Variants in MAB21L4 observed in about 807,000 individuals in gnomAD.
MAB21L4 encodes protein mab-21-like 4.
Under a neutral mutation model 32.4 loss-of-function variants are expected in MAB21L4, and 25 were observed. The ratio of observed to expected loss-of-function variants is 0.77; its 90% CI spans 0.56 to 1.08. The LOEUF is 1.08. Ranked by LOEUF, MAB21L4 falls within the 50% of genes least tolerant of loss-of-function variation. MAB21L4 has a pLI of 0.00. For missense variants in MAB21L4, 638 were observed against 611.0 expected, an observed-to-expected ratio of 1.04 and a Z score of -0.47; for synonymous variants, 280 against 276.8, an observed-to-expected ratio of 1.01 and a Z score of -0.11.
chr2:240,886,706 A>G lies in MAB21L4; in HGVS notation c.*364T>C. ...CCAGCACATTCATTTTTTCAAAACC[A>G]AATATACAGCATTTCGTCACCAAGG... is the stretch of plus-strand genomic sequence containing the variant. On this transcript the variant is annotated 3_prime_UTR_variant, in exon 5 of 5. Coordinates refer to ENST00000388934, the MANE Select transcript of MAB21L4 (RefSeq NM_001085437.3). 1 of 217,444 alleles carries G rather than the reference A, an allele frequency of 4.6e-6. No homozygotes were observed. The highest frequency in any genetic ancestry group is 9.0e-6 in the Non-Finnish European group (1 of 111,068). 13.5% of individuals were successfully genotyped at this position (217,444 alleles called of 1,614,324 possible).
chr2:240,886,542 C>G lies in MAB21L4; in HGVS notation c.*528G>C, dbSNP rs1208322351. On this transcript the variant is annotated 3_prime_UTR_variant, in exon 5 of 5. Coordinates refer to ENST00000388934, the MANE Select transcript of MAB21L4 (RefSeq NM_001085437.3). ...AAGAACGAGGTAGGAGGTGGGGATG[C>G]CTGGGGAAGGGGGTCATTCACAGAG... 1.3e-5 allele frequency: 2 copies of G among 152,642 alleles called. No individual in the cohort carries two copies. Among genetic ancestry groups the G allele is most frequent in the African/African-American group, 4.8e-5 (2 of 41,394 alleles). 9.5% of individuals were successfully genotyped at this position (152,642 alleles called of 1,614,324 possible).
intron 2 of MAB21L4, among the ~76,000 whole-genome samples, chr2:240,891,287 A>G (rs35733632): frequency 0.54 from 82,025 of 152,176 alleles, 23,275 homozygotes; most frequent in African/African-American, 0.73. Flanking sequence ...TAGGGCAGCC[A>G]TCCACAATTC....
rs2106435743 is a variant in MAB21L4, at chr2:240,886,851, A to G, written c.*219T>C. On this transcript the variant is annotated 3_prime_UTR_variant, in exon 5 of 5. Transcript: ENST00000388934. ...ACCACATGGAGAGCTTGGCACCTGCATCCAGGCCCTGACCCAGGGAGGAGG... is the reference window on the plus strand; with the variant it reads ...ACCACATGGAGAGCTTGGCACCTGCGTCCAGGCCCTGACCCAGGGAGGAGG... 1 of 538,212 alleles carries G rather than the reference A, an allele frequency of 1.9e-6. No homozygotes were observed. The allele number at this position is 538,212 out of a possible 1,614,324, so 33.3% of individuals were successfully genotyped here. A position where few individuals can be genotyped will look rare whatever the true frequency, so the allele number is the denominator to read the frequency against.
intron 1 of MAB21L4, among the ~76,000 whole-genome samples, chr2:240,892,252 A>G (rs771579586): frequency 1.3e-5 from 2 of 152,148 alleles, no homozygotes; most frequent in Non-Finnish European, 2.9e-5. Flanking sequence ...AGGCAGCAGC[A>G]GTCCAGGCTG....
chr2:240,893,768 T>G (rs2059169570), intron 1 of MAB21L4, among the ~76,000 whole-genome samples: 1 of 84,544 alleles, frequency 1.2e-5, no homozygotes, highest in South Asian at 3.4e-4. Flanking sequence ...GCCTGGCGGC[T>G]TAGAGCAAAT....
Position 240,888,279 on chromosome 2 carries a change from A to G in MAB21L4, c.1251+13T>C, listed in dbSNP as rs4675869. ...CCCCGGGCCTGCCCAAGGCCCCCGC[A>G]GCCAGCACCCACCTTGTCCAGCAGG... On this transcript the variant is annotated intron_variant, in intron 4 of 4. Coordinates refer to ENST00000388934, the MANE Select transcript of MAB21L4 (RefSeq NM_001085437.3). 0.7 allele frequency: 1,069,218 copies of G among 1,525,200 alleles called. 378,172 individuals are homozygous for G. The highest frequency in any genetic ancestry group is 0.86 in the African/African-American group (60,494 of 70,594). The allele number at this position is 1,525,200 out of a possible 1,614,324, so 94.5% of individuals were successfully genotyped here. A position where few individuals can be genotyped will look rare whatever the true frequency, so the allele number is the denominator to read the frequency against.
upstream of MAB21L4, among the ~76,000 whole-genome samples, chr2:240,896,517 C>T (rs1288697623): frequency 6.6e-6 from 1 of 152,204 alleles, no homozygotes; most frequent in African/African-American, 2.4e-5. Context: ...CACAAGGCAC[C>T]CCGTGGCTCA....
chr2:240,896,837 T>C (rs2106442725), upstream of MAB21L4: 1 of 147,292 alleles, frequency 6.8e-6, no homozygotes, highest in Admixed American at 6.8e-5. Flanking sequence ...CTCGTCTGGT[T>C]CTGGAGAAAA....
intron 4 of MAB21L4, 65 bp from the exon 5 acceptor site, chr2:240,887,227 G>A (rs2059103323): frequency 2.2e-6 from 3 of 1,341,844 alleles, no homozygotes; most frequent in South Asian, 1.2e-5. Flanking sequence ...AAGCTCTCAG[G>A]GCCGAGAGCA....
chr2:240,891,771 G>T lies in MAB21L4; in HGVS notation c.515-8C>A. ...TGGCCGCGTTCAGCGAACCTGCAAA[G>T]ACCCAAGTCACGCCGGCCCCTCGAC... On this transcript the variant is annotated splice_polypyrimidine_tract_variant and splice_region_variant and intron_variant, in intron 1 of 4. Coordinates refer to ENST00000388934, the MANE Select transcript of MAB21L4 (RefSeq NM_001085437.3). 3 of 1,605,538 alleles carry T rather than the reference G, an allele frequency of 1.9e-6. No homozygotes were observed. Among genetic ancestry groups the T allele is most frequent in the Non-Finnish European group, 2.6e-6 (3 of 1,176,456 alleles).
intron 4 of MAB21L4, among the ~76,000 whole-genome samples, chr2:240,887,810 G>A (rs544935920): frequency 6.6e-6 from 1 of 152,298 alleles, no homozygotes; most frequent in African/African-American, 2.4e-5. Context: ...CCACAGGGAG[G>A]GGCAGTTGGT....
intron 1 of MAB21L4, among the ~76,000 whole-genome samples, chr2:240,893,741 C>T (rs561065521): frequency 3.9e-5 from 3 of 76,378 alleles, no homozygotes; most frequent in Non-Finnish European, 1.1e-4. Context: ...TCAGGAGGCA[C>T]TCTGGGGGCG....
At chr2:240,892,724 G>A (rs572235080) in intron 1 of MAB21L4, among the ~76,000 whole-genome samples, 25 of 152,268 alleles carry the variant, frequency 1.6e-4, no homozygotes, top group African/African-American at 5.1e-4. Flanking sequence ...GCCCTTGCCC[G>A]AGAGCCCCAT....
chr2:240,889,957 C>A lies in MAB21L4; in HGVS notation c.894+48G>T, dbSNP rs764307204. The A allele has an allele frequency of 3.8e-6, 6 of 1,569,166 alleles. No individual in the cohort carries two copies. In the South Asian group the frequency reaches 7.1e-5, roughly 19 times the overall value. ...GGAGGGACACGCCTGGGTGCACCTA[C>A]CCCTGGGCCCTGGTGACAGACAACC... On this transcript the variant is annotated intron_variant, in intron 3 of 4. Coordinates refer to ENST00000388934, the MANE Select transcript of MAB21L4 (RefSeq NM_001085437.3).
intron 3 of MAB21L4, among the ~76,000 whole-genome samples, chr2:240,889,425 C>T (rs1330700661): frequency 6.6e-6 from 1 of 152,144 alleles, no homozygotes; most frequent in Non-Finnish European, 1.5e-5. Context: ...CAGGAAGGGG[C>T]CAGCCGAGCA....
intron 1 of MAB21L4, 134 bp downstream of exon 1, chr2:240,895,350 A>G (rs1463228106): frequency 6.0e-6 from 5 of 828,500 alleles, no homozygotes; most frequent in Non-Finnish European, 9.2e-6. Flanking sequence ...AGTCACACAC[A>G]GAAGACAGTC....
intron 2 of MAB21L4, among the ~76,000 whole-genome samples, chr2:240,890,545 A>G (rs2059136002): frequency 1.3e-5 from 2 of 152,156 alleles, no homozygotes; most frequent in African/African-American, 2.4e-5. Flanking sequence ...TGATGGGCTC[A>G]GAATCTCTGC....
At chr2:240,888,983 C>T (rs2106437659) in intron 3 of MAB21L4, among the ~76,000 whole-genome samples, 1 of 151,296 alleles carries the variant, frequency 6.6e-6, no homozygotes, top group South Asian at 2.1e-4. Flanking sequence ...CTCTCCTTCC[C>T]TCCGCCCCTT....
chr2:240,893,158 T>G (rs1377401615), intron 1 of MAB21L4, among the ~76,000 whole-genome samples: 2 of 152,184 alleles, frequency 1.3e-5, no homozygotes, highest in African/African-American at 4.8e-5. Flanking sequence ...GAGGGAATCC[T>G]GGCATGTGCC....
Sources: gnomAD v4.1 joint callset for allele counts (sites outside exome capture counted in the v4.1 genomes callset) on GRCh38, gnomAD v4.1.1 for gene constraint, MANE v1.5 for transcripts, NCBI Gene and HGNC (gene_info 2026-07-23, HGNC 2026-07-21) for gene names.